Variants in ABR observed in about 807,000 individuals in gnomAD.
The protein encoded by ABR is ABR activator of RhoGEF and GTPase, also known as active breakpoint cluster region-related protein.
ABR carries 35 observed loss-of-function variants against 107.2 expected under a neutral mutation model. That is an observed-to-expected ratio of 0.33 (90% CI 0.25 to 0.43). ABR has a LOEUF of 0.43. ABR is among the 20% of genes least tolerant of loss of function. The pLI is 1.00. For missense variants in ABR, 815 were observed against 1,115.2 expected, an observed-to-expected ratio of 0.73 and a Z score of 3.83; for synonymous variants, 498 against 462.0, an observed-to-expected ratio of 1.08 and a Z score of -1.00.
At chr17:1,220,396 C>A (rs1171708267) in intron 1 of ABR, among the ~76,000 whole-genome samples, 2 of 152,154 alleles carry the variant, frequency 1.3e-5, no homozygotes, top group African/African-American at 4.8e-5. Context: ...CCGACTGTAG[C>A]GAGCGTCGAA....
In ABR at chr17:1,186,613, C is replaced by T. The variant is rs543419536; in HGVS notation, c.-78+187G>A. Reference sequence around the variant, plus strand: ...GCAAGGGCAGCATCCTGGGCAGAGCCGCTGGCTTAGATTATGCACTCCCCG... The same window carrying T: ...GCAAGGGCAGCATCCTGGGCAGAGCTGCTGGCTTAGATTATGCACTCCCCG... On this transcript the variant is annotated intron_variant, in intron 1 of 22. Coordinates refer to the ABR transcript ENST00000544583. 2.0e-4 allele frequency among the ~76,000 whole-genome samples: 30 copies of T among 152,346 alleles called. No homozygotes were observed. In the South Asian group the frequency reaches 5.0e-3, roughly 25 times the overall value.
At chr17:1,176,844 TCAAAA>T (rs1300277532) in intron 1 of ABR, among the ~76,000 whole-genome samples, 3 of 139,288 alleles carry the variant, frequency 2.2e-5, no homozygotes, top group Non-Finnish European at 4.6e-5. Flanking sequence ...AGACCCCGTC[TCAAAA>T]CAAAACAAAA....
chr17:1,140,030 C>T (rs758377193), intron 1 of ABR, among the ~76,000 whole-genome samples: 3 of 152,172 alleles, frequency 2.0e-5, no homozygotes, highest in Admixed American at 6.5e-5. Context: ...TCAGATTTCA[C>T]GCACGCTGGG....
intron 16 of ABR, among the ~76,000 whole-genome samples, chr17:1,044,083 G>A (rs558285308): frequency 4.6e-5 from 7 of 152,334 alleles, no homozygotes; most frequent in Admixed American, 6.5e-5. Context: ...ATCAGCTAGC[G>A]GGTAGGTTGC....
upstream of ABR, among the ~76,000 whole-genome samples, chr17:1,190,549 G>T (rs556430913): frequency 1.3e-5 from 2 of 152,184 alleles, no homozygotes; most frequent in East Asian, 3.8e-4. Flanking sequence ...CAGGAGAATC[G>T]CTTGAACCCA....
chr17:1,193,273 T>A (rs8067891), intron 1 of ABR, among the ~76,000 whole-genome samples: 5 of 144,158 alleles, frequency 3.5e-5, no homozygotes, highest in South Asian at 2.3e-4. Context: ...GGACACCCCC[T>A]CCCCCTCAAT....
intron 2 of ABR, among the ~76,000 whole-genome samples, chr17:1,113,317 C>T (rs1399339282): frequency 6.6e-5 from 8 of 121,940 alleles, no homozygotes; most frequent in African/African-American, 6.4e-5. Context: ...GACGGAGTCT[C>T]GCTCTGTCAC....
At chr17:1,204,304 G>A (rs550088744) in intron 1 of ABR, among the ~76,000 whole-genome samples, 17 of 152,288 alleles carry the variant, frequency 1.1e-4, no homozygotes, top group Non-Finnish European at 1.9e-4. Flanking sequence ...CATTATCCGG[G>A]CGTGGTGGTG....
At chr17:1,134,075 T>A (rs969300562) in intron 1 of ABR, among the ~76,000 whole-genome samples, 58 of 152,156 alleles carry the variant, frequency 3.8e-4, no homozygotes, top group African/African-American at 1.3e-3. Flanking sequence ...AGGTCAGGAG[T>A]TCGAGACCAG....
chr17:1,220,018 G>A (rs963871752), intron 1 of ABR, among the ~76,000 whole-genome samples: 10 of 151,486 alleles, frequency 6.6e-5, no homozygotes, highest in Admixed American at 3.3e-4. Context: ...GTGGCCGGGC[G>A]CGGTGGCTCA....
At chr17:1,112,712 T>A (rs1195021086) in intron 2 of ABR, among the ~76,000 whole-genome samples, 1 of 151,940 alleles carries the variant, frequency 6.6e-6, no homozygotes, top group Non-Finnish European at 1.5e-5. Context: ...AACAGCATCA[T>A]GGAGGGTGAG....
rs1032293994 is a variant in ABR, at chr17:1,005,599, G to A, written c.*481C>T. On this transcript the variant is annotated 3_prime_UTR_variant, in exon 23 of 23. Transcript: ENST00000302538. The stretch of plus-strand genomic sequence containing the variant: ...TGCAGGCAGGCTGGGAAGGAAGAGC[G>A]GGTGGAGGAAGACTGAGGGGAGGCT... 44 of 192,674 alleles carry A rather than the reference G, an allele frequency of 2.3e-4. No homozygotes were observed. Among genetic ancestry groups the A allele is most frequent in the African/African-American group, 8.4e-4 (36 of 42,702 alleles). The allele number at this position is 192,674 out of a possible 1,614,324, so 11.9% of individuals were successfully genotyped here. A position where few individuals can be genotyped will look rare whatever the true frequency, so the allele number is the denominator to read the frequency against.
chr17:1,018,612 G>A (rs1286100328), intron 16 of ABR, among the ~76,000 whole-genome samples: 1 of 152,146 alleles, frequency 6.6e-6, no homozygotes, highest in Non-Finnish European at 1.5e-5. Flanking sequence ...TGGTCGGGGG[G>A]AGTGTGCAGG....
chr17:1,206,294 A>G (rs2042787633), intron 1 of ABR, among the ~76,000 whole-genome samples: 2 of 152,204 alleles, frequency 1.3e-5, no homozygotes, highest in South Asian at 2.1e-4. Flanking sequence ...TGCGTGCACA[A>G]CCGAGCATCC....
chr17:1,187,480 G>T (rs74469407), upstream of ABR, among the ~76,000 whole-genome samples: 12,998 of 152,308 alleles, frequency 0.085, 957 homozygotes, highest in African/African-American at 0.19. Flanking sequence ...GCAGGCTGCT[G>T]TTGGGAACAC....
intron 18 of ABR, 63 bp from the exon 19 acceptor site, chr17:1,012,048 C>T (rs560240585): frequency 6.2e-6 from 10 of 1,603,420 alleles, no homozygotes; most frequent in African/African-American, 1.3e-5. Flanking sequence ...GTAGCAACCC[C>T]CACCCAGCAC....
chr17:1,089,029 G>A (rs1336409480), intron 4 of ABR, among the ~76,000 whole-genome samples: 1 of 151,262 alleles, frequency 6.6e-6, no homozygotes, highest in Non-Finnish European at 1.5e-5. Flanking sequence ...CTGAGTAGCT[G>A]GGACTACAGG....
intron 4 of ABR, among the ~76,000 whole-genome samples, chr17:1,086,141 C>T (rs148879518): frequency 1.1e-4 from 17 of 151,958 alleles, no homozygotes; most frequent in African/African-American, 3.6e-4. Context: ...AGCAAGACCC[C>T]GTCTCAAAAA....
chr17:1,067,305 T>G, intron 9 of ABR, 63 bp from the exon 10 acceptor site: 2 of 1,468,712 alleles, frequency 1.4e-6, no homozygotes, highest in South Asian at 1.4e-5. Context: ...CCTCAACTCT[T>G]GGGTCCAGAA....
Sources: allele counts gnomAD v4.1 joint callset (sites outside exome capture counted in the v4.1 genomes callset), GRCh38; gene constraint gnomAD v4.1.1; transcripts MANE v1.5; gene names NCBI Gene and HGNC (gene_info 2026-07-23, HGNC 2026-07-21).